The following CAMTA1 variants were observed in gnomAD, a reference collection of about 807,000 sequenced individuals.
The protein encoded by CAMTA1 is calmodulin binding transcription activator 1.
A neutral mutation model predicts 170.9 loss-of-function variants in CAMTA1; 27 were observed. The observed-to-expected ratio is 0.16, with a 90% CI of 0.12 to 0.22. The LOEUF (loss-of-function observed/expected upper bound fraction) is 0.22. CAMTA1 is among the 10% of genes least tolerant of loss of function. The probability of loss-of-function intolerance (pLI) is 1.00; values close to 1 mark genes in which losing one functional copy is unlikely to be tolerated. For missense variants in CAMTA1, 1,619 were observed against 2,217.2 expected (o/e 0.73, Z 5.42); for synonymous variants, 833 against 891.5 (o/e 0.93, Z 1.17).
At chr1:7,553,198 C>A (rs1355935620) in intron 6 of CAMTA1, among the ~76,000 whole-genome samples, 30 of 151,814 alleles carry the variant, frequency 2.0e-4, no homozygotes, top group African/African-American at 6.3e-4. Flanking sequence ...TGAGTGAATG[C>A]ATGAATGAGT....
intron 6 of CAMTA1, among the ~76,000 whole-genome samples, chr1:7,508,211 G>A (rs12123558): frequency 0.29 from 44,299 of 152,120 alleles, 7,483 homozygotes; most frequent in Non-Finnish European, 0.37. Flanking sequence ...TTGAAGCAGG[G>A]CAGTGCCGGG....
In CAMTA1 at chr1:6,941,806, G is replaced by C. The variant is rs762300301; in HGVS notation, c.234+116596G>C. Among the ~76,000 whole-genome samples, 868 of 152,372 alleles carry C rather than the reference G, an allele frequency of 5.7e-3. 5 individuals are homozygous for C. Among genetic ancestry groups the C allele is most frequent in the Non-Finnish European group, 7.1e-3 (485 of 68,038 alleles). On this transcript the variant is annotated intron_variant, in intron 3 of 22. Transcript: ENST00000303635. ...GCCTGCAGTTCTGCTCCTGTGCCCAGCCAGCAGTGCCTGGGATGGGCTAGA... is the reference window on the plus strand; with the variant it reads ...GCCTGCAGTTCTGCTCCTGTGCCCACCCAGCAGTGCCTGGGATGGGCTAGA...
intron 3 of CAMTA1, among the ~76,000 whole-genome samples, chr1:6,994,260 G>A (rs115682332): frequency 3.7e-4 from 57 of 152,130 alleles, no homozygotes; most frequent in African/African-American, 1.3e-3. Flanking sequence ...ATCATACTTT[G>A]GAAGATCTTT....
At chr1:7,231,350 TGA>T (rs1553280259) in intron 4 of CAMTA1, among the ~76,000 whole-genome samples, 5 of 141,104 alleles carry the variant, frequency 3.5e-5, no homozygotes, top group African/African-American at 1.1e-4. Context: ...TGTGTGTGTG[TGA>T]GAGAGAGAGA....
chr1:7,485,276 G>A (rs956800250), intron 6 of CAMTA1, among the ~76,000 whole-genome samples: 10 of 152,098 alleles, frequency 6.6e-5, no homozygotes, highest in Admixed American at 5.2e-4. Flanking sequence ...ATCGTGCCTC[G>A]TCTCTCAGGG....
At chr1:7,102,637 C>T (rs1186915148) in intron 4 of CAMTA1, among the ~76,000 whole-genome samples, 2 of 152,146 alleles carry the variant, frequency 1.3e-5, no homozygotes, top group South Asian at 2.1e-4. Context: ...TGCTTCTCCC[C>T]AGGAGCACAG....
intron 5 of CAMTA1, among the ~76,000 whole-genome samples, chr1:7,403,849 C>T (rs1037545813): frequency 3.3e-5 from 5 of 152,134 alleles, no homozygotes; most frequent in African/African-American, 4.8e-5. Flanking sequence ...AGGGACGTAC[C>T]AGGACTAGTC....
chr1:7,195,404 G>T lies in CAMTA1; in HGVS notation c.303-54087G>T, dbSNP rs2148973240. Among the ~76,000 whole-genome samples, 1 of 152,286 alleles carries T rather than the reference G, an allele frequency of 6.6e-6. No homozygotes were observed. Among genetic ancestry groups the T allele is most frequent in the Admixed American group, 6.5e-5 (1 of 15,310 alleles). Reference sequence around the variant, plus strand: ...GCTATTTGGAAGCACATTCAGTGCTGAGCTTCCCTGGGCTTGGTGGCCGAG... The same window carrying T: ...GCTATTTGGAAGCACATTCAGTGCTTAGCTTCCCTGGGCTTGGTGGCCGAG... On this transcript the variant is annotated intron_variant, in intron 4 of 22. Coordinates refer to ENST00000303635, the MANE Select transcript of CAMTA1 (RefSeq NM_015215.4). The surrounding 1 kb of genome is among the most constrained non-coding windows in gnomAD (Gnocchi z 4.1).
chr1:7,323,142 G>A (rs1199635236), intron 5 of CAMTA1, among the ~76,000 whole-genome samples: 1 of 151,702 alleles, frequency 6.6e-6, no homozygotes, highest in East Asian at 1.9e-4. Flanking sequence ...TAACCTTAAA[G>A]TATATAACTT....
At chr1:6,981,570 C>T (rs896369598) in intron 3 of CAMTA1, among the ~76,000 whole-genome samples, 1 of 149,776 alleles carries the variant, frequency 6.7e-6, no homozygotes, top group African/African-American at 2.5e-5. Flanking sequence ...GTAGCTGGGA[C>T]CATAGGCATG....
At chr1:6,997,977 A>T (rs1279315418) in intron 3 of CAMTA1, among the ~76,000 whole-genome samples, 3 of 150,494 alleles carry the variant, frequency 2.0e-5, no homozygotes, top group Non-Finnish European at 3.0e-5. Flanking sequence ...TTTATTACAA[A>T]TTTTTTTTCC....
At position 7,333,431 on chromosome 1, in the gene CAMTA1, G is replaced by A. The variant is rs2083157581; in HGVS notation, c.438+83805G>A. Among the ~76,000 whole-genome samples the A allele has an allele frequency of 6.6e-6, 1 of 152,336 alleles. No individual in the cohort carries two copies. The highest frequency in any genetic ancestry group is 2.4e-5 in the African/African-American group (1 of 41,582). On this transcript the variant is annotated intron_variant, in intron 5 of 22. Coordinates refer to ENST00000303635, the MANE Select transcript of CAMTA1 (RefSeq NM_015215.4). The surrounding 1 kb of genome is among the most constrained non-coding windows in gnomAD (Gnocchi z 4.4). ...TCCTGCAAGGTCACAGGTGGAACAG[G>A]TGGAGAGAACACACCGTTCTCTCTG...
chr1:7,430,271 G>A (rs1243368764), intron 5 of CAMTA1, among the ~76,000 whole-genome samples: 1 of 151,710 alleles, frequency 6.6e-6, no homozygotes, highest in Non-Finnish European at 1.5e-5. Flanking sequence ...TGATGGGGAT[G>A]ATGATGACGA....
At chr1:7,537,132 A>C (rs904094490) in intron 6 of CAMTA1, among the ~76,000 whole-genome samples, 42 of 152,278 alleles carry the variant, frequency 2.8e-4, no homozygotes, top group African/African-American at 9.9e-4. Flanking sequence ...ACAGCTGAGA[A>C]ATGCAGCATT....
chr1:6,856,440 A>G (rs1347323359), intron 3 of CAMTA1, among the ~76,000 whole-genome samples: 1 of 151,940 alleles, frequency 6.6e-6, no homozygotes, highest in Non-Finnish European at 1.5e-5. Flanking sequence ...GACAAAATAG[A>G]CATTGAACTT....
intron 6 of CAMTA1, among the ~76,000 whole-genome samples, chr1:7,629,173 C>T (rs1011487738): frequency 1.3e-5 from 2 of 152,216 alleles, no homozygotes; most frequent in African/African-American, 2.4e-5. Context: ...CAAGCTCAGG[C>T]TCTGCCAACT....
intron 4 of CAMTA1, among the ~76,000 whole-genome samples, chr1:7,104,293 A>G (rs915790326): frequency 6.7e-6 from 1 of 149,986 alleles, no homozygotes; most frequent in African/African-American, 2.4e-5. Flanking sequence ...CAAATATTCA[A>G]CACAATGCAT....
intron 5 of CAMTA1, among the ~76,000 whole-genome samples, chr1:7,336,209 T>A (rs1227772001): frequency 2.6e-5 from 4 of 152,192 alleles, no homozygotes; most frequent in Non-Finnish European, 5.9e-5. Flanking sequence ...TGGTCCCCCA[T>A]GAAGCCCTGA....
chr1:7,350,871 G>A (rs896961686), intron 5 of CAMTA1, among the ~76,000 whole-genome samples: 5 of 152,332 alleles, frequency 3.3e-5, no homozygotes, highest in African/African-American at 7.2e-5. Context: ...TTTAACTCCC[G>A]TAGGGGATGA....
Sources: gnomAD v4.1 joint callset for allele counts (sites outside exome capture counted in the v4.1 genomes callset) on GRCh38, gnomAD v4.1.1 for gene constraint, Gnocchi (gnomAD v3.1) non-coding constraint, MANE v1.5 for transcripts, NCBI Gene and HGNC (gene_info 2026-07-23, HGNC 2026-07-21) for gene names.